The following ZEB1 variants were observed in gnomAD, a reference collection of about 807,000 sequenced individuals.
ZEB1 encodes zinc finger E-box-binding homeobox 1.
In ZEB1, 21 loss-of-function variants were observed where a neutral mutation model predicts 84.9. That is an observed-to-expected ratio of 0.25 (90% CI 0.18 to 0.36). ZEB1 has a LOEUF of 0.36. Ranked by LOEUF, ZEB1 falls within the 10% of genes least tolerant of loss-of-function variation. The probability of loss-of-function intolerance (pLI) is 1.00; values close to 1 mark genes in which losing one functional copy is unlikely to be tolerated. For synonymous variants in ZEB1, 420 were observed against 471.1 expected (o/e 0.89, Z 1.41); for missense variants, 1,104 against 1,330.2 (o/e 0.83, Z 2.65).
intron 1 of ZEB1, chr10:31,321,118 C>T (rs1589904070): frequency 9.8e-7 from 1 of 1,022,704 alleles, no homozygotes; most frequent in Non-Finnish European, 1.2e-6. Flanking sequence ...AGCCCCACCC[C>T]CCGCGCCTGG....
intron 1 of ZEB1, among the ~76,000 whole-genome samples, chr10:31,445,015 A>G (rs970526057): frequency 6.6e-6 from 1 of 151,048 alleles, no homozygotes; most frequent in African/African-American, 2.5e-5. Context: ...CAGTATGGCC[A>G]TTTTCGCGAT....
chr10:31,407,343 G>C (rs2053303576), intron 1 of ZEB1, among the ~76,000 whole-genome samples: 1 of 148,176 alleles, frequency 6.7e-6, no homozygotes, highest in South Asian at 2.1e-4. Context: ...AGAACATGCG[G>C]TGTTTGGTTT....
chr10:31,489,095 G>A (rs1049626102), intron 2 of ZEB1, among the ~76,000 whole-genome samples: 16 of 151,196 alleles, frequency 1.1e-4, no homozygotes, highest in Non-Finnish European at 7.4e-5. Flanking sequence ...TTGTAGATTT[G>A]TCTCTACTTT....
chr10:31,341,716 A>G (rs967976144), intron 1 of ZEB1, among the ~76,000 whole-genome samples: 1 of 152,182 alleles, frequency 6.6e-6, no homozygotes, highest in Non-Finnish European at 1.5e-5. Flanking sequence ...AGCTTGGAGA[A>G]CAGAAGTGTT....
At chr10:31,458,348 G>C (rs1426890603) in intron 1 of ZEB1, among the ~76,000 whole-genome samples, 1 of 150,690 alleles carries the variant, frequency 6.6e-6, no homozygotes, top group Non-Finnish European at 1.5e-5. Flanking sequence ...GTGTGTGTGT[G>C]TGTGTGTGTG....
chr10:31,485,300 A>G (rs992285765), intron 2 of ZEB1, among the ~76,000 whole-genome samples: 1 of 151,920 alleles, frequency 6.6e-6, no homozygotes, highest in African/African-American at 2.4e-5. Context: ...AGTATTCACA[A>G]CAATCCTGTG....
chr10:31,410,133 T>C (rs893534204), intron 1 of ZEB1, among the ~76,000 whole-genome samples: 5 of 152,348 alleles, frequency 3.3e-5, no homozygotes, highest in African/African-American at 1.2e-4. Flanking sequence ...CAGCATGATA[T>C]TGGCTGTGGG....
At chr10:31,495,898 G>T in intron 3 of ZEB1, 60 bp downstream of exon 3, 1 of 1,578,218 alleles carries the variant, frequency 6.3e-7, no homozygotes, top group South Asian at 1.1e-5. Context: ...TTGTGTCACT[G>T]ATTTCGCATT....
intron 1 of ZEB1, among the ~76,000 whole-genome samples, chr10:31,377,959 A>G (rs2046958167): frequency 6.6e-6 from 1 of 151,722 alleles, no homozygotes; most frequent in Non-Finnish European, 1.5e-5. Flanking sequence ...CCAATTCATT[A>G]AACAGCAGAT....
At chr10:31,451,313 C>T (rs769418714) in intron 1 of ZEB1, among the ~76,000 whole-genome samples, 39 of 152,252 alleles carry the variant, frequency 2.6e-4, no homozygotes, top group Admixed American at 5.9e-4. Flanking sequence ...ATTGAACATT[C>T]GTGCTGCTTA....
intron 1 of ZEB1, among the ~76,000 whole-genome samples, chr10:31,349,462 A>G (rs2040918441): frequency 6.6e-6 from 1 of 152,156 alleles, no homozygotes; most frequent in African/African-American, 2.4e-5. Context: ...GGATCATATG[A>G]TAGCTCCAAT....
chr10:31,468,588 A>C (rs1366918870), intron 2 of ZEB1, among the ~76,000 whole-genome samples: 1 of 152,214 alleles, frequency 6.6e-6, no homozygotes, highest in Non-Finnish European at 1.5e-5. Flanking sequence ...AGTGAGCCTT[A>C]CCACATATAC....
intron 2 of ZEB1, among the ~76,000 whole-genome samples, chr10:31,474,892 T>G (rs1267676665): frequency 6.6e-6 from 1 of 152,078 alleles, no homozygotes. Flanking sequence ...TAAAAAAGGA[T>G]GAGTTCATGT....
intron 1 of ZEB1, among the ~76,000 whole-genome samples, chr10:31,442,376 G>T (rs1269906897): frequency 1.3e-5 from 2 of 152,086 alleles, no homozygotes; most frequent in African/African-American, 4.8e-5. Flanking sequence ...CTTGGACACA[G>T]GGTGGGGAAC....
At chr10:31,499,972 A>G (rs1298310270) in intron 3 of ZEB1, among the ~76,000 whole-genome samples, 1 of 152,122 alleles carries the variant, frequency 6.6e-6, no homozygotes, top group African/African-American at 2.4e-5. Flanking sequence ...AGCAAAATTC[A>G]TATATAAAAT....
chr10:31,429,913 G>A (rs1173520999), intron 1 of ZEB1, among the ~76,000 whole-genome samples: 2 of 151,650 alleles, frequency 1.3e-5, no homozygotes, highest in African/African-American at 2.4e-5. Flanking sequence ...GCTAATTTTT[G>A]TATTTCTAGC....
At chr10:31,394,606 G>A (rs952788089) in intron 1 of ZEB1, among the ~76,000 whole-genome samples, 2 of 152,168 alleles carry the variant, frequency 1.3e-5, no homozygotes, top group African/African-American at 4.8e-5. Flanking sequence ...GGAGGATATT[G>A]CCTACATTGT....
chr10:31,517,092 C>G (rs1330520197), intron 6 of ZEB1, among the ~76,000 whole-genome samples: 1 of 152,028 alleles, frequency 6.6e-6, no homozygotes, highest in Non-Finnish European at 1.5e-5. Context: ...TGGTCATTCA[C>G]CACAAATAGT....
At chr10:31,513,165 A>C (rs1592017066) in intron 5 of ZEB1, among the ~76,000 whole-genome samples, 1 of 152,288 alleles carries the variant, frequency 6.6e-6, no homozygotes, top group Middle Eastern at 3.4e-3. Context: ...CTTTTGCTGT[A>C]ATCTAGGCCA....
Sources: allele counts gnomAD v4.1 joint callset (sites outside exome capture counted in the v4.1 genomes callset), GRCh38; gene constraint gnomAD v4.1.1; transcripts MANE v1.5; gene names NCBI Gene and HGNC (gene_info 2026-07-23, HGNC 2026-07-21).